The following WDR81 variants were observed in gnomAD, a reference collection of about 807,000 sequenced individuals.
The protein encoded by WDR81 is WD repeat-containing protein 81.
Under a neutral mutation model 140.8 loss-of-function variants are expected in WDR81, and 92 were observed. The observed-to-expected ratio is 0.65, with a 90% confidence interval of 0.55 to 0.78. The LOEUF (loss-of-function observed/expected upper bound fraction) is 0.78. Ranked by LOEUF, WDR81 falls within the 30% of genes least tolerant of loss-of-function variation. WDR81 has a pLI of 0.00. For missense variants in WDR81, 2,502 were observed against 2,636.4 expected (o/e 0.95, Z 1.12); for synonymous variants, 1,183 against 1,156.4 (o/e 1.02, Z -0.47).
In WDR81 at chr17:1,737,465, C is replaced by G. The variant is rs774211539; in HGVS notation, c.5606C>G (p.Ser1869Cys). ...CCCACCCATCACTACAAGTCAGCAT[C>G]CGACCCCATCCACACCTTTGACCTG... is the stretch of plus-strand genomic sequence containing the variant. The part of the protein sequence containing the change: ...QKPTHHYKSA[S>C]DPIHTFDLYG... Residue 1869 changes from serine (S) to cysteine (C), a missense_variant, in exon 10 of 10, where the codon TCC becomes TGC. By Grantham distance (112) the Ser-to-Cys change is moderately radical. This residue lies in a region of WDR81 where 1,737 missense variants were observed against 1,843.0 expected (regional missense o/e 0.94). Transcript: ENST00000409644. The G allele has an allele frequency of 9.3e-6, 15 of 1,613,034 alleles. No individual in the cohort carries two copies. Among genetic ancestry groups the G allele is most frequent in the Non-Finnish European group, 8.5e-7 (1 of 1,180,000 alleles).
In WDR81 at chr17:1,728,239, T is replaced by G. The variant is rs1365578729; in HGVS notation, c.3280T>G (p.Ser1094Ala). 1 of 1,609,594 alleles carries G rather than the reference T, an allele frequency of 6.2e-7. No homozygotes were observed. Among genetic ancestry groups the G allele is most frequent in the East Asian group, 2.2e-5 (1 of 44,812 alleles). ...CCAAGCCGGGCTCTATGTGACTGAG[T>G]CTCCCCAGCCCCAGGAGGCTGAGGC... is the stretch of plus-strand genomic sequence containing the variant. ...DFQAGLYVTE[S>A]PQPQEAEAVS... The change falls in exon 1 of 10, where the codon TCT (serine) becomes GCT (alanine). Residue 1094 changes from serine to alanine, a missense_variant. This residue lies in a region of WDR81 where 1,737 missense variants were observed against 1,843.0 expected (regional missense o/e 0.94). Transcript: ENST00000409644.
upstream of WDR81, among the ~76,000 whole-genome samples, chr17:1,723,461 ATT>A (rs1278777422): frequency 3.8e-5 from 2 of 52,652 alleles, no homozygotes; most frequent in African/African-American, 9.1e-5. Flanking sequence ...ATTTATTTTT[ATT>A]TATTTATTTA....
chr17:1,724,824 G>C lies in WDR81; in HGVS notation c.-136G>C. On this transcript the variant is annotated 5_prime_UTR_variant, in exon 1 of 10. Coordinates refer to ENST00000409644, the MANE Select transcript of WDR81 (RefSeq NM_001163809.2). Reference sequence around the variant, plus strand: ...CCCGTCCGCCTCTTCGCCGCCGCCGGCTTCCTGCGGCCGCCTCCGCCCCAG... The same window carrying C: ...CCCGTCCGCCTCTTCGCCGCCGCCGCCTTCCTGCGGCCGCCTCCGCCCCAG... 1 of 1,207,250 alleles carries C rather than the reference G, an allele frequency of 8.3e-7. No individual in the cohort carries two copies. Among genetic ancestry groups the C allele is most frequent in the Non-Finnish European group, 1.0e-6 (1 of 972,136 alleles). The allele number at this position is 1,207,250 out of a possible 1,614,324, so 74.8% of individuals were successfully genotyped here. A position where few individuals can be genotyped will look rare whatever the true frequency, so the allele number is the denominator to read the frequency against.
At chr17:1,716,939 G>C in intron 1 of WDR81, 1 of 501,380 alleles carries the variant, frequency 2.0e-6, no homozygotes, top group Non-Finnish European at 3.6e-6. Context: ...AACCACAGGA[G>C]GCTTTTTTTC....
rs1904554803 is a variant in WDR81 at position 1,733,535 on chromosome 17, A to G, written c.4498A>G (p.Ile1500Val). The G allele has an allele frequency of 2.0e-6, 3 of 1,515,722 alleles. No homozygotes were observed. Among genetic ancestry groups the G allele is most frequent in the Non-Finnish European group, 2.6e-6 (3 of 1,133,204 alleles). 93.9% of individuals were successfully genotyped at this position (1,515,722 alleles called of 1,614,324 possible). Residue 1500 changes from isoleucine (I) to valine (V), a missense_variant, in exon 7 of 10, where the codon ATC (isoleucine) becomes GTC (valine). Ile to Val is a conservative substitution (Grantham distance 29). Around this residue, in one of 3 missense-constraint regions of WDR81, gnomAD observed 1,737 missense variants for 1,843.0 expected, o/e 0.94. Transcript: ENST00000409644. Reference protein sequence around the residue: ...VPFSCLLGDIIRKIIPNHELV... With the variant: ...VPFSCLLGDIVRKIIPNHELV... The stretch of plus-strand genomic sequence containing the variant: ...CTCCCACTCCTATCCAGGTGACATC[A>G]TCCGGAAAATCATCCCCAACCACGA...
Position 1,728,225 on chromosome 17 carries a change from T to C in WDR81, c.3266T>C (p.Leu1089Pro). Residue 1089 changes from leucine to proline, a missense_variant, in exon 1 of 10, where the codon CTC (leucine) becomes CCC (proline). Physicochemically the swap from Leu to Pro is moderately conservative, Grantham distance 98. Transcript: ENST00000409644. ...LPETEDFQAG[L>P]YVTESPQPQE... ...GAGACAGAGGACTTCCAAGCCGGGC[T>C]CTATGTGACTGAGTCTCCCCAGCCC... 6 of 1,606,704 alleles carry C rather than the reference T, an allele frequency of 3.7e-6. No homozygotes were observed. The highest frequency in any genetic ancestry group is 1.7e-4 in the Middle Eastern group (1 of 6,032).
chr17:1,730,780 G>A lies in WDR81; in HGVS notation c.3801G>A (p.Val1267=), dbSNP rs368053434. ...YVGPTRQQFT[V]SSGESPPLSA... ...GACCCACTCGGCAGCAGTTCACAGTGAGCAGTGGCGAGAGCCCACCGCTGA... is the reference window on the plus strand; with the variant it reads ...GACCCACTCGGCAGCAGTTCACAGTAAGCAGTGGCGAGAGCCCACCGCTGA... Residue 1267 remains valine, a synonymous_variant, in exon 3 of 10, where the codon GTG becomes GTA. Coordinates refer to ENST00000409644, the MANE Select transcript of WDR81 (RefSeq NM_001163809.2). 3.9e-5 allele frequency: 63 copies of A among 1,611,576 alleles called. No individual in the cohort carries two copies. Among genetic ancestry groups the A allele is most frequent in the Non-Finnish European group, 5.3e-5 (62 of 1,179,698 alleles).
rs1278484727 is a variant in WDR81 at position 1,727,331 on chromosome 17, A to T, written c.2372A>T (p.Gln791Leu). Residue 791 changes from glutamine to leucine, a missense_variant, in exon 1 of 10, where the codon CAG becomes CTG. This residue lies in a region of WDR81 where 1,737 missense variants were observed against 1,843.0 expected (regional missense o/e 0.94). Transcript: ENST00000409644. ...MVFATRVRTL[Q>L]PDAPLWVRFQ... The stretch of plus-strand genomic sequence containing the variant: ...TTTGCCACCAGGGTGCGGACGCTGC[A>T]GCCCGATGCACCTTTGTGGGTACGC... 6.5e-7 allele frequency: 1 copy of T among 1,549,934 alleles called. No homozygotes were observed. The highest frequency in any genetic ancestry group is 8.7e-7 in the Non-Finnish European group (1 of 1,146,964).
Position 1,727,924 on chromosome 17 carries a change from G to A in WDR81, c.2965G>A (p.Ala989Thr), listed in dbSNP as rs1355935530. 6.4e-7 allele frequency: 1 copy of A among 1,550,658 alleles called. No homozygotes were observed. Among genetic ancestry groups the A allele is most frequent in the East Asian group, 2.4e-5 (1 of 40,910 alleles). ...RFYLYTDCFV[A>T]QLMVRLGLQA... is the part of the protein sequence containing the mutation. ...CTACCTGTACACGGACTGCTTTGTG[G>A]CCCAGCTGATGGTGCGGCTGGGCCT... Residue 989 changes from alanine (A) to threonine (T), a missense_variant, in exon 1 of 10, where the codon GCC (alanine) becomes ACC (threonine). Transcript: ENST00000409644.
rs1915335813 is a variant in WDR81 at position 1,727,138 on chromosome 17, C to T, written c.2179C>T (p.Pro727Ser). ...GATTCTTCTTCCCGAGGGCTTCAATCCCATGCAGGCCCTGGAGGAGCTGGA... is the reference window on the plus strand; with the variant it reads ...GATTCTTCTTCCCGAGGGCTTCAATTCCATGCAGGCCCTGGAGGAGCTGGA... ...GRILLPEGFN[P>S]MQALEELEKT... The change falls in exon 1 of 10, where the codon CCC becomes TCC. Residue 727 changes from proline (P) to serine (S), a missense_variant. Physicochemically the swap from Pro to Ser is moderately conservative, Grantham distance 74 (BLOSUM62 -1). Coordinates refer to ENST00000409644, the MANE Select transcript of WDR81 (RefSeq NM_001163809.2). The T allele has an allele frequency of 1.9e-6, 3 of 1,547,412 alleles. No homozygotes were observed. The highest frequency in any genetic ancestry group is 2.4e-5 in the South Asian group (2 of 83,910).
chr17:1,736,990 C>G (rs1163008764), intron 9 of WDR81, among the ~76,000 whole-genome samples: 2 of 152,214 alleles, frequency 1.3e-5, no homozygotes, highest in African/African-American at 4.8e-5. Context: ...AATCCCAGCT[C>G]TGCTGCTTGC....
At chr17:1,719,855 T>A (rs1248734135), upstream of WDR81, among the ~76,000 whole-genome samples, 1 of 151,510 alleles carries the variant, frequency 6.6e-6, no homozygotes, top group African/African-American at 2.4e-5. Flanking sequence ...ATACAAAACA[T>A]TAGCCAGGTG....
chr17:1,734,252 C>T (rs761969423), intron 7 of WDR81, 36 bp downstream of exon 7: 2 of 1,503,132 alleles, frequency 1.3e-6, no homozygotes, highest in Admixed American at 4.2e-5. Flanking sequence ...TCTCTTCCTG[C>T]TCCTGCGCCC....
At position 1,731,188 on chromosome 17, in the gene WDR81, G is replaced by A. The variant is rs1325003486; in HGVS notation, c.4087G>A (p.Asp1363Asn). ...GTACCTCTCAGACACCACACTCATG[G>A]ACATCCTGCCCCGGATCAGCCATGA... is the stretch of plus-strand genomic sequence containing the variant. The part of the protein sequence containing the change: ...IVYLSDTTLM[D>N]ILPRISHEVL... The change falls in exon 4 of 10, where the codon GAC (aspartate) becomes AAC (asparagine). Residue 1363 changes from aspartate (D) to asparagine (N), a missense_variant. This residue lies in a region of WDR81 where 1,737 missense variants were observed against 1,843.0 expected (regional missense o/e 0.94). Transcript: ENST00000409644. 8.7e-6 allele frequency: 14 copies of A among 1,613,386 alleles called. No homozygotes were observed. The highest frequency in any genetic ancestry group is 1.1e-5 in the Non-Finnish European group (13 of 1,180,016).
chr17:1,735,472 G>A lies in WDR81; in HGVS notation c.5180-100G>A. 1 of 1,210,108 alleles carries A rather than the reference G, an allele frequency of 8.3e-7. No homozygotes were observed. Among genetic ancestry groups the A allele is most frequent in the South Asian group, 1.7e-5 (1 of 60,200 alleles). The allele number at this position is 1,210,108 out of a possible 1,614,324, so 75.0% of individuals were successfully genotyped here. A position where few individuals can be genotyped will look rare whatever the true frequency, so the allele number is the denominator to read the frequency against. The stretch of plus-strand genomic sequence containing the variant: ...TTAGCATTTTCTAAGGATCCCTGGG[G>A]GACGGGAGGCAGGTGTGCGGTGAGT... On this transcript the variant is annotated intron_variant, in intron 7 of 9. Coordinates refer to ENST00000409644, the MANE Select transcript of WDR81 (RefSeq NM_001163809.2). This position sits in a 1 kb window ranked among gnomAD's most constrained non-coding sequence, Gnocchi z 4.2.
intron 4 of WDR81, 81 bp from the exon 5 acceptor site, chr17:1,732,244 A>C: frequency 6.5e-7 from 1 of 1,549,350 alleles, no homozygotes; most frequent in Non-Finnish European, 8.7e-7. Context: ...CTCAATAAAA[A>C]TAAAAATAAA....
chr17:1,729,342 T>C (rs1915524255), intron 1 of WDR81, among the ~76,000 whole-genome samples: 1 of 151,836 alleles, frequency 6.6e-6, no homozygotes, highest in South Asian at 2.1e-4. Flanking sequence ...TAGCCAGGCG[T>C]GGTGGCGGGC....
Position 1,727,869 on chromosome 17 carries a change from C to A in WDR81, c.2910C>A (p.Tyr970Ter). The stretch of plus-strand genomic sequence containing the variant: ...TCCTGAAGCCGCTCATTGGTGCCTA[C>A]GAGAGCCCCTGCCAGCTACACGGCC... Reference protein sequence around the residue: ...KYLLKPLIGAYESPCQLHGRF... With the variant: ...KYLLKPLIGA The change falls in exon 1 of 10, where the codon TAC becomes TAA. Residue 970 changes from tyrosine to a stop codon, truncating the protein, a stop_gained. Coordinates refer to ENST00000409644, the MANE Select transcript of WDR81 (RefSeq NM_001163809.2). LOFTEE classifies it high-confidence loss of function. The A allele has an allele frequency of 6.4e-7, 1 of 1,550,782 alleles. No individual in the cohort carries two copies. The highest frequency in any genetic ancestry group is 8.7e-7 in the Non-Finnish European group (1 of 1,147,088).
chr17:1,731,835 G>A (rs1237970715), intron 4 of WDR81, among the ~76,000 whole-genome samples: 1 of 152,004 alleles, frequency 6.6e-6, no homozygotes, highest in Non-Finnish European at 1.5e-5. Context: ...GCTGAGGCGG[G>A]AGAATTGCTT....
Sources: allele counts gnomAD v4.1 joint callset (sites outside exome capture counted in the v4.1 genomes callset), GRCh38; gene constraint gnomAD v4.1.1; regional missense constraint gnomAD v4.1.1; non-coding constraint Gnocchi (gnomAD v3.1); transcripts MANE v1.5; gene names NCBI Gene and HGNC (gene_info 2026-07-23, HGNC 2026-07-21).